The following STARD13 variants were observed in gnomAD, a reference collection of about 807,000 sequenced individuals.
STARD13 encodes StAR related lipid transfer domain containing 13, also known as stAR-related lipid transfer protein 13.
Under a neutral mutation model 106.4 loss-of-function variants are expected in STARD13, and 62 were observed. The observed-to-expected ratio is 0.58, with a 90% CI of 0.48 to 0.72. STARD13 has a LOEUF of 0.72. Among genes scored for constraint, STARD13 ranks in the 30% least tolerant of loss-of-function variants. The pLI is 0.00. For synonymous variants in STARD13, 565 were observed against 553.0 expected (o/e 1.02, Z -0.31); for missense variants, 1,387 against 1,424.0 (o/e 0.97, Z 0.42).
chr13:33,143,119 T>C (rs1463637566), intron 3 of STARD13, among the ~76,000 whole-genome samples: 1 of 152,176 alleles, frequency 6.6e-6, no homozygotes, highest in Non-Finnish European at 1.5e-5. Flanking sequence ...GATCTTGAAC[T>C]TTCCAGCCTC....
intron 1 of STARD13, among the ~76,000 whole-genome samples, chr13:33,197,942 G>A (rs1030262145): frequency 3.9e-5 from 6 of 152,164 alleles, no homozygotes; most frequent in African/African-American, 1.4e-4. Flanking sequence ...AGGCCGAGAT[G>A]GGCGGATCAT....
chr13:33,675,203 T>C, the STARD13 span, among the ~76,000 whole-genome samples: 11,840 of 152,274 alleles, frequency 0.078, 925 homozygotes, highest in East Asian at 0.25. Context: ...ACAATGTTTA[T>C]GGCATGCCTG....
the STARD13 span, among the ~76,000 whole-genome samples, chr13:33,358,755 T>C: frequency 6.0e-5 from 9 of 151,150 alleles, no homozygotes; most frequent in African/African-American, 1.7e-4. Context: ...CTGGTGAGGA[T>C]GTGGAGAGTC....
intron 1 of STARD13, among the ~76,000 whole-genome samples, chr13:33,176,977 G>A (rs191823145): frequency 1.5e-4 from 23 of 152,212 alleles, no homozygotes; most frequent in African/African-American, 5.5e-4. Context: ...TATAATTATC[G>A]TCACAAAATC....
At chr13:33,184,026 G>A (rs1186404848) in intron 1 of STARD13, among the ~76,000 whole-genome samples, 1 of 152,188 alleles carries the variant, frequency 6.6e-6, no homozygotes, top group Admixed American at 6.5e-5. Flanking sequence ...GATGTAATGG[G>A]ATGAGTTTTT....
chr13:33,180,544 A>G (rs563088380), intron 1 of STARD13: 1 of 152,324 alleles, frequency 6.6e-6, no homozygotes, highest in East Asian at 1.9e-4. Flanking sequence ...ATTGTGAGCA[A>G]GGGATATGGG....
chr13:33,263,189 T>C (rs1458795104), intron 1 of STARD13, among the ~76,000 whole-genome samples: 1 of 152,108 alleles, frequency 6.6e-6, no homozygotes, highest in Admixed American at 6.5e-5. Flanking sequence ...GAGCATCCTG[T>C]ACATTACAGG....
intron 1 of STARD13, among the ~76,000 whole-genome samples, chr13:33,325,778 A>T (rs76224416): frequency 1.3e-5 from 2 of 152,050 alleles, no homozygotes; most frequent in Non-Finnish European, 2.9e-5. Context: ...ACGGATCACG[A>T]GGTCAGGAGA....
the STARD13 span, among the ~76,000 whole-genome samples, chr13:33,416,918 G>A: frequency 5.3e-5 from 8 of 152,156 alleles, no homozygotes; most frequent in Non-Finnish European, 1.0e-4. Flanking sequence ...ACAACTCTAA[G>A]AATGGAAGAA....
intron 1 of STARD13, among the ~76,000 whole-genome samples, chr13:33,335,839 T>C (rs745591): frequency 0.97 from 147,644 of 152,360 alleles, 71,682 homozygotes; most frequent in East Asian, 1. Context: ...GCTGTTTGTG[T>C]TAACAGTGAC....
intron 1 of STARD13, among the ~76,000 whole-genome samples, chr13:33,283,576 T>C (rs1891911289): frequency 6.6e-6 from 1 of 152,242 alleles, no homozygotes; most frequent in South Asian, 2.1e-4. Flanking sequence ...TAAAGAGTTG[T>C]ATGATGTTAA....
intron 1 of STARD13, among the ~76,000 whole-genome samples, chr13:33,301,387 A>G (rs1269740308): frequency 6.6e-6 from 1 of 152,114 alleles, no homozygotes; most frequent in Non-Finnish European, 1.5e-5. Context: ...CTTCTTCTGG[A>G]TATGACTTTC....
At chr13:33,594,378 A>G in the STARD13 span, among the ~76,000 whole-genome samples, 23 of 152,176 alleles carry the variant, frequency 1.5e-4, no homozygotes, top group Non-Finnish European at 2.6e-4. Flanking sequence ...GAATCATCTC[A>G]TATCTGGTTG....
intron 1 of STARD13, among the ~76,000 whole-genome samples, chr13:33,206,269 G>A (rs542497409): frequency 5.3e-5 from 8 of 152,030 alleles, no homozygotes; most frequent in Non-Finnish European, 8.8e-5. Context: ...CCCATTTTAA[G>A]TTAGCCTAAA....
intron 1 of STARD13, among the ~76,000 whole-genome samples, chr13:33,240,210 T>C (rs1454878492): frequency 6.6e-6 from 1 of 152,192 alleles, no homozygotes; most frequent in African/African-American, 2.4e-5. Context: ...GAGGATTTGT[T>C]CCTTGGCTCT....
In STARD13 at chr13:33,105,621, A is replaced by G. The variant is rs747640952; in HGVS notation, c.3314T>C (p.Ile1105Thr). The change falls in exon 14 of 14, where the codon ATT becomes ACT. Residue 1105 changes from isoleucine (I) to threonine (T), a missense_variant. Coordinates refer to ENST00000336934, the MANE Select transcript of STARD13 (RefSeq NM_178006.4). ...ARIRNSFQPL[I>T]AEGPETKI ...GATTTTAGTTTCTGGGCCCTCAGCA[A>G]TGAGGGGCTGGAAAGAGTTTCTAAT... 2.0e-5 allele frequency: 33 copies of G among 1,613,590 alleles called. No homozygotes were observed. The highest frequency in any genetic ancestry group is 2.7e-5 in the Non-Finnish European group (32 of 1,179,578).
chr13:33,574,424 A>G, the STARD13 span, among the ~76,000 whole-genome samples: 243 of 152,322 alleles, frequency 1.6e-3, 1 homozygote, highest in Middle Eastern at 0.027. Context: ...TTGACTAAAA[A>G]AAGTTTTCCA....
intron 1 of STARD13, among the ~76,000 whole-genome samples, chr13:33,169,038 G>T (rs1227862533): frequency 6.6e-6 from 1 of 152,140 alleles, no homozygotes. Flanking sequence ...GATTTCAAAA[G>T]CTTGAGATTT....
At chr13:33,194,636 T>A (rs1323475031) in intron 1 of STARD13, among the ~76,000 whole-genome samples, 1 of 152,252 alleles carries the variant, frequency 6.6e-6, no homozygotes, top group Non-Finnish European at 1.5e-5. Context: ...TTTTCAATAC[T>A]ATAATGCTTT....
Sources: gnomAD v4.1 joint callset for allele counts (sites outside exome capture counted in the v4.1 genomes callset) on GRCh38, gnomAD v4.1.1 for gene constraint, MANE v1.5 for transcripts, NCBI Gene and HGNC (gene_info 2026-07-23, HGNC 2026-07-21) for gene names.